The following SPATA4 variants were observed in gnomAD, a reference collection of about 807,000 sequenced individuals.
The protein encoded by SPATA4 is spermatogenesis-associated protein 4.
Under a neutral mutation model 31.8 loss-of-function variants are expected in SPATA4, and 35 were observed. The ratio of observed to expected loss-of-function variants is 1.10; its 90% confidence interval spans 0.84 to 1.46. The LOEUF is 1.46. Among genes scored for constraint, SPATA4 ranks in the 40% most tolerant of loss-of-function variants. The pLI, the probability that SPATA4 is intolerant of heterozygous loss-of-function variation, is 0.00. For synonymous variants in SPATA4, 126 were observed against 132.4 expected, an observed-to-expected ratio of 0.95 and a Z score of 0.33; for missense variants, 394 against 363.1, an observed-to-expected ratio of 1.09 and a Z score of -0.69.
chr4:176,188,091 T>G (rs767215971), intron 5 of SPATA4, 28 bp downstream of exon 5: 11 of 1,516,202 alleles, frequency 7.3e-6, no homozygotes, highest in Admixed American at 1.7e-5. Flanking sequence ...AAAAAATCAA[T>G]TTTAAGAAGC....
rs753111281 is a variant in SPATA4 at position 176,192,649 on chromosome 4, T to G, written c.666A>C (p.Lys222Asn). ...FLILLHMLQR[K>N]LGRKLNPEWF... is the part of the protein sequence containing the mutation. ...TACCTGGATTCAATTTTCTGCCTAA[T>G]TTTCTTTGCAACATATGTAAAAGGA... Residue 222 changes from lysine (K) to asparagine (N), a missense_variant, in exon 4 of 6, where the codon AAA becomes AAC. Coordinates refer to ENST00000280191, the MANE Select transcript of SPATA4 (RefSeq NM_144644.4). 1.2e-6 allele frequency: 2 copies of G among 1,614,066 alleles called. No homozygotes were observed. Among genetic ancestry groups the G allele is most frequent in the East Asian group, 4.5e-5 (2 of 44,872 alleles).
At chr4:176,194,473 A>T (rs1752582692) in intron 1 of SPATA4, 1 of 152,190 alleles carries the variant, frequency 6.6e-6, no homozygotes, top group African/African-American at 2.4e-5. Flanking sequence ...AGGGTTCTGT[A>T]GTATCCACAG....
intron 5 of SPATA4, among the ~76,000 whole-genome samples, chr4:176,185,098 C>T (rs1047315565): frequency 4.6e-5 from 7 of 152,094 alleles, no homozygotes; most frequent in Non-Finnish European, 1.0e-4. Flanking sequence ...TCAGCCACTT[C>T]CAAAAGTCAT....
chr4:176,195,211 G>C (rs1370418556), intron 1 of SPATA4, 134 bp downstream of exon 1: 1 of 700,794 alleles, frequency 1.4e-6, no homozygotes, highest in Admixed American at 2.6e-5. Context: ...TAGTGTTTTC[G>C]TGTGTGTACG....
At position 176,186,774 on chromosome 4, in the gene SPATA4, C is replaced by T. The variant is rs575396874; in HGVS notation, c.805+1345G>A. Among the ~76,000 whole-genome samples, 63 of 152,030 alleles carry T rather than the reference C, an allele frequency of 4.1e-4. 1 individual carries two copies. The South Asian group carries it at 0.011, about 26-fold the overall frequency. On this transcript the variant is annotated intron_variant, in intron 5 of 5. Coordinates refer to ENST00000280191, the MANE Select transcript of SPATA4 (RefSeq NM_144644.4). Reference sequence around the variant, plus strand: ...GAAAACACTTCATTCTGCTTCTCTCCCCTTTAATATTTACAATGCATATTA... The same window carrying T: ...GAAAACACTTCATTCTGCTTCTCTCTCCTTTAATATTTACAATGCATATTA...
In SPATA4 at chr4:176,184,829, G is replaced by T. The variant is rs1752415043; in HGVS notation, c.869C>A (p.Ser290Tyr). 9 of 1,604,086 alleles carry T rather than the reference G, an allele frequency of 5.6e-6. No homozygotes were observed. The highest frequency in any genetic ancestry group is 6.8e-6 in the Non-Finnish European group (8 of 1,175,388). The part of the protein sequence containing the change: ...EIHVKQAGQH[S>Y]YYSAMKPIRN... ...GATAGGTTTCATAGCAGAGTAATAA[G>T]AATGTTGTCCAGCTTGCTTCACATG... Residue 290 changes from serine to tyrosine, a missense_variant, in exon 6 of 6, where the codon TCT (serine) becomes TAT (tyrosine). Transcript: ENST00000280191.
chr4:176,193,592 G>A lies in SPATA4; in HGVS notation c.219-10C>T. 1 of 1,595,148 alleles carries A rather than the reference G, an allele frequency of 6.3e-7. No individual in the cohort carries two copies. The highest frequency in any genetic ancestry group is 8.5e-7 in the Non-Finnish European group (1 of 1,174,114). On this transcript the variant is annotated splice_polypyrimidine_tract_variant and intron_variant, in intron 1 of 5. Transcript: ENST00000280191. ...GCCATTTGAAAAATCTCTGATCCGT[G>A]GCAATTAGGAAATGAAATAAAGTGT...
chr4:176,185,904 A>G (rs72706363), intron 5 of SPATA4, among the ~76,000 whole-genome samples: 2,658 of 152,282 alleles, frequency 0.017, 38 homozygotes, highest in Middle Eastern at 0.071. Context: ...CTCTTTTTCC[A>G]AAGAGAGCAA....
intron 1 of SPATA4, 78 bp from the exon 2 acceptor site, chr4:176,193,660 C>A: frequency 7.4e-7 from 1 of 1,346,658 alleles, no homozygotes; most frequent in South Asian, 1.6e-5. Context: ...TAATACTAGT[C>A]TAATATTCCA....
chr4:176,194,986 C>T lies in SPATA4; in HGVS notation c.218+359G>A, dbSNP rs554386711. On this transcript the variant is annotated intron_variant, in intron 1 of 5. Coordinates refer to ENST00000280191, the MANE Select transcript of SPATA4 (RefSeq NM_144644.4). ...TCCTGACCTCAGGTGATCCGCCTGC[C>T]TCGGCTCCCAAAATGCTGGGATTAC... 3.7e-5 allele frequency: 8 copies of T among 214,206 alleles called. 1 individual carries two copies. In the East Asian group the frequency reaches 8.9e-4, roughly 24 times the overall value. 13.3% of individuals were successfully genotyped at this position (214,206 alleles called of 1,614,324 possible).
At chr4:176,189,460 A>AG (rs1180912985) in intron 4 of SPATA4, among the ~76,000 whole-genome samples, 1 of 92,868 alleles carries the variant, frequency 1.1e-5, no homozygotes, top group Non-Finnish European at 2.6e-5. Flanking sequence ...AGAAAAAGAG[A>AG]AAAAAAAAAC....
Position 176,184,736 on chromosome 4 carries a change from G to C in SPATA4, c.*44C>G, listed in dbSNP as rs761158759. On this transcript the variant is annotated 3_prime_UTR_variant, in exon 6 of 6. Transcript: ENST00000280191. ...TGATTCTGTTTCTTTATTATGGCTAGAGATGGTGGCATCACTTCTTCAAAG... is the reference window on the plus strand; with the variant it reads ...TGATTCTGTTTCTTTATTATGGCTACAGATGGTGGCATCACTTCTTCAAAG... 2 of 1,164,892 alleles carry C rather than the reference G, an allele frequency of 1.7e-6. No individual in the cohort carries two copies. Among genetic ancestry groups the C allele is most frequent in the South Asian group, 2.8e-5 (2 of 70,212 alleles). 72.2% of individuals were successfully genotyped at this position (1,164,892 alleles called of 1,614,324 possible).
At chr4:176,193,360 C>A in intron 2 of SPATA4, 93 bp downstream of exon 2, 1 of 1,460,704 alleles carries the variant, frequency 6.8e-7, no homozygotes. Flanking sequence ...ATCACACAGT[C>A]ACACACATAC....
At chr4:176,187,484 G>A (rs904752721) in intron 5 of SPATA4, among the ~76,000 whole-genome samples, 2 of 152,018 alleles carry the variant, frequency 1.3e-5, no homozygotes, top group Non-Finnish European at 2.9e-5. Flanking sequence ...GTGCGTTGTA[G>A]TCCCAGCTAC....
At chr4:176,195,220 C>A in intron 1 of SPATA4, 125 bp downstream of exon 1, 2 of 775,152 alleles carry the variant, frequency 2.6e-6, no homozygotes, top group South Asian at 1.6e-5. Context: ...CGTGTGTGTA[C>A]GTGGGTGGGG....
chr4:176,193,079 T>C lies in SPATA4; in HGVS notation c.349-3A>G, dbSNP rs1223594642. ...TTAAATTTTTTTCTTGCCAGGAACT[T>C]TAATAGTAGAAAGAAAATGTTTTTA... On this transcript the variant is annotated splice_polypyrimidine_tract_variant and splice_region_variant and intron_variant, in intron 2 of 5. Coordinates refer to ENST00000280191, the MANE Select transcript of SPATA4 (RefSeq NM_144644.4). The C allele has an allele frequency of 2.6e-6, 4 of 1,512,426 alleles. No individual in the cohort carries two copies. The highest frequency in any genetic ancestry group is 1.7e-4 in the Middle Eastern group (1 of 5,746). 93.7% of individuals were successfully genotyped at this position (1,512,426 alleles called of 1,614,324 possible). A position where few individuals can be genotyped will look rare whatever the true frequency, so the allele number is the denominator to read the frequency against.
At position 176,193,468 on chromosome 4, in the gene SPATA4, CCA is replaced by C. The variant is rs556485141; in HGVS notation, c.331_332del (p.Trp111GlyfsTer13). 1,490 of 1,613,168 alleles carry C rather than the reference CCA, an allele frequency of 9.2e-4. 4 individuals carry two copies. Among genetic ancestry groups the C allele is most frequent in the Non-Finnish European group, 1.2e-3 (1,412 of 1,179,788 alleles). On this transcript the variant is annotated frameshift_variant, in exon 2 of 6. Transcript: ENST00000280191. LOFTEE classifies it high-confidence loss of function. ...GTSLKVKLDN[W>X]AQLEKFLARK... is the part of the protein sequence containing the mutation. ...GCTAACGTACCTTCTCCAACTGTGC[CCA>C]GTTATCCAACTTGACTTTTAAAGAG...
At chr4:176,192,306 T>G (rs1393379065) in intron 4 of SPATA4, among the ~76,000 whole-genome samples, 2 of 152,232 alleles carry the variant, frequency 1.3e-5, no homozygotes, top group Non-Finnish European at 2.9e-5. Context: ...ATGAGTGTCC[T>G]GCTTAACTCT....
In SPATA4 at chr4:176,184,612, G is replaced by A. The variant is rs1401114356; in HGVS notation, c.*168C>T. On this transcript the variant is annotated 3_prime_UTR_variant, in exon 6 of 6. Coordinates refer to ENST00000280191, the MANE Select transcript of SPATA4 (RefSeq NM_144644.4). ...TGTATTTTCAACAATGCCTGGCATA[G>A]GAGTTTAATAAACAAATTGAATGGA... The A allele has an allele frequency of 2.4e-6, 1 of 411,298 alleles. No homozygotes were observed. The highest frequency in any genetic ancestry group is 4.3e-6 in the Non-Finnish European group (1 of 230,426). 25.5% of individuals were successfully genotyped at this position (411,298 alleles called of 1,614,324 possible). A position where few individuals can be genotyped will look rare whatever the true frequency, so the allele number is the denominator to read the frequency against.
Sources: gnomAD v4.1 joint callset for allele counts (sites outside exome capture counted in the v4.1 genomes callset) on GRCh38, gnomAD v4.1.1 for gene constraint, MANE v1.5 for transcripts, NCBI Gene and HGNC (gene_info 2026-07-23, HGNC 2026-07-21) for gene names.